PLEKHA5: variants seen among roughly 807,000 people sequenced by gnomAD.
PLEKHA5 encodes the protein pleckstrin homology domain containing A5.
In PLEKHA5, 55 loss-of-function variants were observed where a neutral mutation model predicts 181.9. That is an observed-to-expected ratio of 0.30 (90% CI 0.24 to 0.38). PLEKHA5 has a LOEUF of 0.38. PLEKHA5 is among the 10% of genes least tolerant of loss of function. The pLI is 1.00. For synonymous variants in PLEKHA5, 535 were observed against 529.4 expected (o/e 1.01, Z -0.15); for missense variants, 1,432 against 1,549.5 (o/e 0.92, Z 1.27).
At chr12:19,265,575 G>A (rs1202030981) in intron 7 of PLEKHA5, among the ~76,000 whole-genome samples, 175 bp from the exon 8 acceptor site, 1 of 152,126 alleles carries the variant, frequency 6.6e-6, no homozygotes, top group Non-Finnish European at 1.5e-5. Flanking sequence ...ATATACCAAA[G>A]TATAAATTCT....
intron 3 of PLEKHA5, among the ~76,000 whole-genome samples, chr12:19,250,939 T>C (rs2065117204): frequency 6.6e-6 from 1 of 152,122 alleles, no homozygotes; most frequent in Non-Finnish European, 1.5e-5. Context: ...AAAAACTTCA[T>C]TAGTGACACA....
chr12:19,253,474 A>T lies in PLEKHA5; in HGVS notation c.228-466A>T, dbSNP rs73060556. ...TTGTAAAAATATAAGTAACATTTACACACATATACACTCTCAATAGATAGT... is the reference window on the plus strand; with the variant it reads ...TTGTAAAAATATAAGTAACATTTACTCACATATACACTCTCAATAGATAGT... On this transcript the variant is annotated intron_variant, in intron 3 of 31. Transcript: ENST00000429027. 2.3e-3 allele frequency among the ~76,000 whole-genome samples: 343 copies of T among 152,250 alleles called. 2 individuals are homozygous for T. The highest frequency in any genetic ancestry group is 3.4e-3 in the Non-Finnish European group (228 of 68,012).
At chr12:19,170,262 G>GT (rs1393190006) in intron 3 of PLEKHA5, among the ~76,000 whole-genome samples, 3 of 151,810 alleles carry the variant, frequency 2.0e-5, no homozygotes, top group Non-Finnish European at 2.9e-5. Flanking sequence ...TATATGGAAT[G>GT]TTTTTTTTCT....
chr12:19,251,916 G>A (rs552696879), intron 3 of PLEKHA5, among the ~76,000 whole-genome samples: 3 of 152,144 alleles, frequency 2.0e-5, no homozygotes, highest in East Asian at 1.9e-4. Context: ...CCACTCCTCC[G>A]TTGTGCCAAG....
chr12:19,275,545 T>A (rs368201318), intron 11 of PLEKHA5, among the ~76,000 whole-genome samples: 4 of 152,226 alleles, frequency 2.6e-5, no homozygotes, highest in South Asian at 4.2e-4. Flanking sequence ...AGGAGAATCG[T>A]TTGATGCCAG....
At chr12:19,223,578 G>A (rs1476992841) in intron 3 of PLEKHA5, among the ~76,000 whole-genome samples, 1 of 152,032 alleles carries the variant, frequency 6.6e-6, no homozygotes, top group Non-Finnish European at 1.5e-5. Context: ...ACATATCACC[G>A]ATAGTATATA....
At chr12:19,289,748 G>C (rs776508946) in intron 13 of PLEKHA5, among the ~76,000 whole-genome samples, 9 of 151,870 alleles carry the variant, frequency 5.9e-5, no homozygotes, top group Non-Finnish European at 1.0e-4. Context: ...GAAGAAGGAG[G>C]GTTTATGTGC....
chr12:19,199,084 G>T (rs935434205), intron 3 of PLEKHA5, among the ~76,000 whole-genome samples: 1 of 152,060 alleles, frequency 6.6e-6, no homozygotes, highest in Admixed American at 6.6e-5. Flanking sequence ...ATTTATCACT[G>T]CAGTAAAAGT....
At chr12:19,266,194 T>A (rs1040538105) in intron 8 of PLEKHA5, among the ~76,000 whole-genome samples, 1 of 152,060 alleles carries the variant, frequency 6.6e-6, no homozygotes, top group East Asian at 1.9e-4. Flanking sequence ...AATAATAAAT[T>A]TGGGGTCTGG....
chr12:19,308,450 A>C lies in PLEKHA5; in HGVS notation c.2038-6364A>C, dbSNP rs74064449. 8.7e-3 allele frequency among the ~76,000 whole-genome samples: 1,330 copies of C among 152,316 alleles called. 27 individuals carry two copies. The highest frequency in any genetic ancestry group is 0.03 in the African/African-American group (1,261 of 41,544). On this transcript the variant is annotated intron_variant, in intron 15 of 31. Transcript: ENST00000429027. ...ATGTAAGCAATTCTTGTCATGGTGAAATCTGATGGTGTAACCCGTTTTACT... is the reference window on the plus strand; with the variant it reads ...ATGTAAGCAATTCTTGTCATGGTGACATCTGATGGTGTAACCCGTTTTACT...
At chr12:19,141,336 C>T (rs1403506824) in intron 3 of PLEKHA5, among the ~76,000 whole-genome samples, 1 of 152,160 alleles carries the variant, frequency 6.6e-6, no homozygotes, top group Non-Finnish European at 1.5e-5. Flanking sequence ...ATGCCTGTTC[C>T]TAGAGCAGAC....
At chr12:19,370,591 T>A (rs561835471) in intron 31 of PLEKHA5, 43 of 152,322 alleles carry the variant, frequency 2.8e-4, no homozygotes, top group Non-Finnish European at 5.0e-4. Context: ...TCTAGTAAGT[T>A]TGGTGCTTTA....
chr12:19,285,500 C>T (rs1015577248), intron 12 of PLEKHA5, among the ~76,000 whole-genome samples: 4 of 152,172 alleles, frequency 2.6e-5, no homozygotes, highest in African/African-American at 9.7e-5. Flanking sequence ...AGTTCATGGA[C>T]CCCTGTGGGG....
chr12:19,361,616 T>C lies in PLEKHA5; in HGVS notation c.3518T>C (p.Leu1173Pro). ...ACTGAAAACATTTCATATGAAATGCTTTTTGAACCTGAGCCAAATGGAGTA... is the reference window on the plus strand; with the variant it reads ...ACTGAAAACATTTCATATGAAATGCCTTTTGAACCTGAGCCAAATGGAGTA... ...KKTENISYEM[L>P]FEPEPNGVNS... is the part of the protein sequence containing the mutation. The change falls in exon 29 of 32, where the codon CTT becomes CCT. Residue 1173 changes from leucine to proline, a missense_variant. Physicochemically the swap from Leu to Pro is moderately conservative, Grantham distance 98. Transcript: ENST00000429027. 1 of 1,542,850 alleles carries C rather than the reference T, an allele frequency of 6.5e-7. No homozygotes were observed.
At chr12:19,340,439 C>T (rs1372841258) in intron 21 of PLEKHA5, among the ~76,000 whole-genome samples, 157 of 125,476 alleles carry the variant, frequency 1.3e-3, no homozygotes, top group Middle Eastern at 0.012. Flanking sequence ...GCCACCACCC[C>T]GTCTGGGAGG....
intron 3 of PLEKHA5, among the ~76,000 whole-genome samples, chr12:19,145,534 A>G (rs1370496664): frequency 6.6e-6 from 1 of 152,180 alleles, no homozygotes; most frequent in Non-Finnish European, 1.5e-5. Flanking sequence ...TGTAGGTACT[A>G]TTCTTTAACT....
At chr12:19,141,985 C>G (rs1251806263) in intron 3 of PLEKHA5, among the ~76,000 whole-genome samples, 3 of 152,066 alleles carry the variant, frequency 2.0e-5, no homozygotes, top group Admixed American at 2.0e-4. Flanking sequence ...TATATTGTTT[C>G]TTTGGATAGA....
At chr12:19,259,122 C>T (rs1043377719) in intron 6 of PLEKHA5, among the ~76,000 whole-genome samples, 3 of 151,798 alleles carry the variant, frequency 2.0e-5, no homozygotes, top group East Asian at 1.9e-4. Context: ...TTTGGGAGGC[C>T]GAGGCAGGAG....
intron 3 of PLEKHA5, among the ~76,000 whole-genome samples, chr12:19,241,697 A>G (rs1031538406): frequency 6.6e-6 from 1 of 151,938 alleles, no homozygotes; most frequent in African/African-American, 2.4e-5. Context: ...TAGAGGTTGC[A>G]GTGAGCCCAA....
Sources: gnomAD v4.1 joint callset for allele counts (sites outside exome capture counted in the v4.1 genomes callset) on GRCh38, gnomAD v4.1.1 for gene constraint, MANE v1.5 for transcripts, NCBI Gene and HGNC (gene_info 2026-07-23, HGNC 2026-07-21) for gene names.